The following YME1L1 variants were observed in gnomAD, a reference collection of about 807,000 sequenced individuals.
YME1L1 encodes YME1 like 1 ATPase.
In YME1L1, 39 loss-of-function variants were observed where a neutral mutation model predicts 90.4. That is an observed-to-expected ratio of 0.43 (90% CI 0.33 to 0.56). The LOEUF is 0.56. YME1L1 is among the 20% of genes least tolerant of loss of function. YME1L1 has a pLI of 0.03. For missense variants in YME1L1, 617 were observed against 868.4 expected (o/e 0.71, Z 3.64); for synonymous variants, 284 against 287.3 (o/e 0.99, Z 0.12).
Position 27,154,360 on chromosome 10 carries a change from T to C in YME1L1, c.-150A>G, listed in dbSNP as rs1564473967. 2 of 872,604 alleles carry C rather than the reference T, an allele frequency of 2.3e-6. No homozygotes were observed. Among genetic ancestry groups the C allele is most frequent in the Admixed American group, 2.8e-5 (1 of 35,562 alleles). The allele number at this position is 872,604 out of a possible 1,614,324, so 54.1% of individuals were successfully genotyped here. ...CCAGAAACGGAAAATGGCCTCCCCTTCCTACAGCTACTGCAACGACAGACA... is the reference window on the plus strand; with the variant it reads ...CCAGAAACGGAAAATGGCCTCCCCTCCCTACAGCTACTGCAACGACAGACA... On this transcript the variant is annotated 5_prime_UTR_variant, in exon 1 of 19. Transcript: ENST00000376016.
At chr10:27,138,889 T>C (rs3780925) in intron 4 of YME1L1, among the ~76,000 whole-genome samples, 2,611 of 152,254 alleles carry the variant, frequency 0.017, 144 homozygotes, top group East Asian at 0.16. Context: ...GTTTAATAAA[T>C]TTTAAGTTTC....
At chr10:27,136,114 G>A (rs2057024320) in intron 5 of YME1L1, among the ~76,000 whole-genome samples, 162 bp downstream of exon 5, 1 of 152,178 alleles carries the variant, frequency 6.6e-6, no homozygotes, top group Admixed American at 6.5e-5. Flanking sequence ...CTGGTGCCCA[G>A]AAGAGTTAGA....
At position 27,142,375 on chromosome 10, in the gene YME1L1, G is replaced by T. The variant is rs760748099; in HGVS notation, c.430+12C>A. 1 of 1,388,478 alleles carries T rather than the reference G, an allele frequency of 7.2e-7. No individual in the cohort carries two copies. Among genetic ancestry groups the T allele is most frequent in the Non-Finnish European group, 9.6e-7 (1 of 1,046,860 alleles). 86.0% of individuals were successfully genotyped at this position (1,388,478 alleles called of 1,614,324 possible). On this transcript the variant is annotated intron_variant, in intron 4 of 18. Transcript: ENST00000376016. ...ATTTTTTTTTCCACAATTTATGGTT[G>T]TTGCTTCATACCTGGCCAGTACTGA...
chr10:27,152,554 T>G (rs2057232290), intron 1 of YME1L1, among the ~76,000 whole-genome samples: 1 of 152,214 alleles, frequency 6.6e-6, no homozygotes, highest in Non-Finnish European at 1.5e-5. Context: ...TCAGGCCTCT[T>G]GATGTGAACT....
Position 27,111,874 on chromosome 10 carries a change from A to T in YME1L1, c.*103T>A. The T allele has an allele frequency of 1.4e-6, 2 of 1,419,810 alleles. No individual in the cohort carries two copies. Among genetic ancestry groups the T allele is most frequent in the Non-Finnish European group, 2.0e-6 (2 of 1,010,522 alleles). The allele number at this position is 1,419,810 out of a possible 1,614,324, so 88.0% of individuals were successfully genotyped here. On this transcript the variant is annotated 3_prime_UTR_variant, in exon 19 of 19. Transcript: ENST00000376016. ...ACAAAGCATTTCACACCCTTCAATT[A>T]CACCACATCAAGAATGAGGGGAAAG...
Position 27,142,493 on chromosome 10 carries a change from G to T in YME1L1, c.332-8C>A. 1 of 1,386,284 alleles carries T rather than the reference G, an allele frequency of 7.2e-7. No individual in the cohort carries two copies. Among genetic ancestry groups the T allele is most frequent in the Non-Finnish European group, 9.5e-7 (1 of 1,049,034 alleles). The allele number at this position is 1,386,284 out of a possible 1,614,324, so 85.9% of individuals were successfully genotyped here. ...TAAATATATCTAAGTTACCTGGAGG[G>T]AAATTGCAAAAAGTAAATTTTCTAA... On this transcript the variant is annotated splice_region_variant and splice_polypyrimidine_tract_variant and intron_variant, in intron 3 of 18. Coordinates refer to ENST00000376016, the MANE Select transcript of YME1L1 (RefSeq NM_014263.4).
Position 27,142,442 on chromosome 10 carries a change from A to G in YME1L1, c.375T>C (p.Tyr125=). The part of the protein sequence containing the change: ...IFSTLRSSCL[Y]RHHSRALQSI... ...TTTGAAGAGCTCTTGAATGATGTCG[A>G]TACAAGCAAGAGGAACGTAATGTAC... The change falls in exon 4 of 19, where the codon TAT becomes TAC. Residue 125 remains tyrosine, a synonymous_variant. Transcript: ENST00000376016. 6.5e-7 allele frequency: 1 copy of G among 1,535,188 alleles called. No individual in the cohort carries two copies. Among genetic ancestry groups the G allele is most frequent in the Admixed American group, 2.1e-5 (1 of 48,710 alleles).
At chr10:27,117,507 G>A in intron 15 of YME1L1, 69 bp downstream of exon 15, 2 of 1,495,878 alleles carry the variant, frequency 1.3e-6, no homozygotes, top group South Asian at 1.2e-5. Context: ...GGCAGAGGTT[G>A]CAGTGAGCTG....
chr10:27,134,916 A>G lies in YME1L1; in HGVS notation c.606T>C (p.Asn202=). Residue 202 remains asparagine (N), a synonymous_variant, in exon 6 of 19, where the codon AAT becomes AAC. Transcript: ENST00000376016. ...ESLDKLMKTK[N]IPEAHQDAFK... ...ATGCATCTTGGTGAGCTTCAGGTAT[A>G]TTTTTGGTTTTCATGAGTTTGTCCA... The G allele has an allele frequency of 6.2e-7, 1 of 1,613,906 alleles. No individual in the cohort carries two copies. The highest frequency in any genetic ancestry group is 8.5e-7 in the Non-Finnish European group (1 of 1,179,998).
At chr10:27,113,219 CAAAAAAAAAAAAAAAAAAAAAAAAAAAAA>C (rs869122796) in intron 18 of YME1L1, among the ~76,000 whole-genome samples, 5 of 43,090 alleles carry the variant, frequency 1.2e-4, no homozygotes, top group Non-Finnish European at 1.8e-4. Flanking sequence ...GATGCTGTCT[CAAAAAAAAAAAAAAAAAAAAAAAAAAAAA>C]AAAAAAAAAA....
At chr10:27,129,675 T>C (rs1588596813) in intron 8 of YME1L1, among the ~76,000 whole-genome samples, 1 of 152,054 alleles carries the variant, frequency 6.6e-6, no homozygotes, top group Middle Eastern at 3.4e-3. Flanking sequence ...AAGAGCACAG[T>C]GTGGTACTAA....
chr10:27,116,046 A>T lies in YME1L1; in HGVS notation c.1920+14T>A, dbSNP rs1300605047. On this transcript the variant is annotated intron_variant, in intron 17 of 18. Coordinates refer to ENST00000376016, the MANE Select transcript of YME1L1 (RefSeq NM_014263.4). ...ATAATTTGATACATGAAAAGGATTT[A>T]AAAAATCTATTACCTTTTCACTCAT... 9 of 1,604,064 alleles carry T rather than the reference A, an allele frequency of 5.6e-6. No homozygotes were observed. The highest frequency in any genetic ancestry group is 1.7e-5 in the Admixed American group (1 of 59,242).
chr10:27,136,699 CTTTATTTATTTA>C (rs149072823), intron 4 of YME1L1, among the ~76,000 whole-genome samples: 11,686 of 145,422 alleles, frequency 0.08, 717 homozygotes, highest in African/African-American at 0.16. Flanking sequence ...TCAAAAGGAA[CTTTATTTATTTA>C]TTTATTTATT....
chr10:27,134,876 C>T lies in YME1L1; in HGVS notation c.646G>A (p.Ala216Thr). 1.2e-6 allele frequency: 2 copies of T among 1,614,070 alleles called. No homozygotes were observed. Among genetic ancestry groups the T allele is most frequent in the Non-Finnish European group, 1.7e-6 (2 of 1,180,008 alleles). ...AHQDAFKTGF[A>T]EGFLKAQALT... ...GCTTGAGCTTTCAGAAAACCTTCCG[C>T]AAAACCAGTTTTAAATGCATCTTGG... Residue 216 changes from alanine to threonine, a missense_variant, in exon 6 of 19, where the codon GCG becomes ACG. Transcript: ENST00000376016.
chr10:27,119,820 C>A (rs202051049), intron 13 of YME1L1, among the ~76,000 whole-genome samples: 73 of 132,918 alleles, frequency 5.5e-4, no homozygotes, highest in East Asian at 3.0e-3. Context: ...CAAAAAAAAA[C>A]CAAAAAAAAA....
chr10:27,122,032 G>C (rs764504075), intron 11 of YME1L1, among the ~76,000 whole-genome samples: 1 of 151,954 alleles, frequency 6.6e-6, no homozygotes, highest in African/African-American at 2.4e-5. Context: ...TACTGTGCCC[G>C]GTGACTGTTT....
intron 9 of YME1L1, among the ~76,000 whole-genome samples, chr10:27,125,442 TTTCA>T (rs1388790987): frequency 7.2e-6 from 1 of 138,556 alleles, no homozygotes; most frequent in African/African-American, 2.7e-5. Context: ...TAAGGAATTG[TTTCA>T]TTGTTTCATT....
chr10:27,138,050 CTT>C (rs952810547), intron 4 of YME1L1, among the ~76,000 whole-genome samples: 1 of 148,406 alleles, frequency 6.7e-6, no homozygotes. Context: ...ATATTTGGAA[CTT>C]TTTTTTTTGG....
intron 2 of YME1L1, 115 bp from the exon 3 acceptor site, chr10:27,145,705 C>T: frequency 1.1e-6 from 1 of 894,022 alleles, no homozygotes; most frequent in Non-Finnish European, 1.6e-6. Flanking sequence ...AATATATTTC[C>T]TTTTTTTAAT....
Sources: gnomAD v4.1 joint callset for allele counts (sites outside exome capture counted in the v4.1 genomes callset) on GRCh38, gnomAD v4.1.1 for gene constraint, MANE v1.5 for transcripts, NCBI Gene and HGNC (gene_info 2026-07-23, HGNC 2026-07-21) for gene names.